The following PIERCE2 variants were observed in gnomAD, a reference collection of about 807,000 sequenced individuals.
PIERCE2 encodes the protein piercer of microtubule wall 2 protein.
chr15:55,418,793 C>T, the PIERCE2 span: 1 of 398,802 alleles, frequency 2.5e-6, no homozygotes, highest in Non-Finnish European at 4.4e-6. Context: ...TCCATGTAAT[C>T]CAAAAGCTTC....
At chr15:55,415,439 A>G in the PIERCE2 span, among the ~76,000 whole-genome samples, 2 of 144,784 alleles carry the variant, frequency 1.4e-5, no homozygotes. Flanking sequence ...CTGGGGGACG[A>G]GAGTGAAACT....
At chr15:55,417,904 G>A in the PIERCE2 span, 36 of 447,256 alleles carry the variant, frequency 8.0e-5, no homozygotes, top group Non-Finnish European at 1.2e-4. Flanking sequence ...ATTCTGTGGC[G>A]GGCAGGGGCA....
chr15:55,415,579 A>G, the PIERCE2 span, among the ~76,000 whole-genome samples: 1 of 152,034 alleles, frequency 6.6e-6, no homozygotes, highest in Non-Finnish European at 1.5e-5. Context: ...AGGGCTTACA[A>G]CTCTAAGGGG....
At chr15:55,415,456 C>CA in the PIERCE2 span, among the ~76,000 whole-genome samples, 13,236 of 82,518 alleles carry the variant, frequency 0.16, 744 homozygotes, top group East Asian at 0.3. Context: ...AACTTCGTCT[C>CA]AAAAAAAAAA....
the PIERCE2 span, among the ~76,000 whole-genome samples, chr15:55,416,946 G>A: frequency 6.6e-6 from 1 of 152,106 alleles, no homozygotes; most frequent in Non-Finnish European, 1.5e-5. Flanking sequence ...GGATGACAGA[G>A]CGAGACTCTG....
chr15:55,416,290 C>T, the PIERCE2 span, among the ~76,000 whole-genome samples: 4 of 151,954 alleles, frequency 2.6e-5, no homozygotes, highest in African/African-American at 9.7e-5. Context: ...TTAGTAGAGA[C>T]GGGGTTTCAC....
the PIERCE2 span, chr15:55,418,055 C>T: frequency 4.3e-6 from 6 of 1,393,206 alleles, no homozygotes; most frequent in African/African-American, 1.5e-5. Context: ...TGGATGTATA[C>T]GTGCAGGTCA....
the PIERCE2 span, chr15:55,418,084 A>G: frequency 1.9e-6 from 3 of 1,572,292 alleles, no homozygotes; most frequent in Non-Finnish European, 2.6e-6. Flanking sequence ...ATGATGGCTT[A>G]GCTTGGGCTC....
At chr15:55,414,209 GT>G in the PIERCE2 span, among the ~76,000 whole-genome samples, 126,180 of 134,456 alleles carry the variant, frequency 0.94, 59,301 homozygotes, top group Middle Eastern at 0.98. Context: ...GTTTTTTTTT[GT>G]TTTTTTTTTT....
the PIERCE2 span, among the ~76,000 whole-genome samples, chr15:55,413,050 C>T: frequency 2.0e-5 from 3 of 151,894 alleles, no homozygotes; most frequent in African/African-American, 4.8e-5. Flanking sequence ...GGGCGGATCA[C>T]GAGGTCAGGA....
the PIERCE2 span, among the ~76,000 whole-genome samples, chr15:55,416,371 AT>A: frequency 6.6e-6 from 1 of 152,020 alleles, no homozygotes; most frequent in African/African-American, 2.4e-5. Context: ...AAGTGCTGGG[AT>A]TTACAGGTGT....
chr15:55,409,572 G>A, the PIERCE2 span, among the ~76,000 whole-genome samples: 2 of 152,230 alleles, frequency 1.3e-5, no homozygotes, highest in Non-Finnish European at 2.9e-5. Context: ...AGAGACAAAA[G>A]AGTGCCTCAA....
the PIERCE2 span, among the ~76,000 whole-genome samples, chr15:55,413,791 T>C: frequency 4.0e-5 from 6 of 150,960 alleles, no homozygotes; most frequent in Admixed American, 2.0e-4. Flanking sequence ...ACTGTTTTTA[T>C]GGGGAAAGCA....
the PIERCE2 span, among the ~76,000 whole-genome samples, chr15:55,413,106 A>G: frequency 6.6e-6 from 1 of 151,928 alleles, no homozygotes; most frequent in Non-Finnish European, 1.5e-5. Context: ...ATCTCTACTA[A>G]AAATACAAAA....
chr15:55,418,240 A>G, the PIERCE2 span: 1 of 1,566,626 alleles, frequency 6.4e-7, no homozygotes, highest in Non-Finnish European at 8.7e-7. Context: ...AAAGTACTTC[A>G]CCTTCAAATT....
At chr15:55,412,602 G>A in the PIERCE2 span, among the ~76,000 whole-genome samples, 3 of 152,138 alleles carry the variant, frequency 2.0e-5, no homozygotes, top group East Asian at 5.8e-4. Flanking sequence ...TATTCAGGTA[G>A]AACATTAATA....
At chr15:55,410,011 A>G in the PIERCE2 span, among the ~76,000 whole-genome samples, 1 of 152,248 alleles carries the variant, frequency 6.6e-6, no homozygotes, top group Non-Finnish European at 1.5e-5. Context: ...GTTCTTAACT[A>G]TAGTCAGTTT....
the PIERCE2 span, chr15:55,418,372 GA>G: frequency 6.5e-7 from 1 of 1,537,006 alleles, no homozygotes; most frequent in Non-Finnish European, 8.7e-7. Flanking sequence ...AACCTCAAAT[GA>G]TTATGTATAA....
chr15:55,411,255 G>A, the PIERCE2 span: 1 of 152,128 alleles, frequency 6.6e-6, no homozygotes, highest in Non-Finnish European at 1.5e-5. Flanking sequence ...TCAGAGGTCA[G>A]GAGTTTGGGA....
Sources: gnomAD v4.1 joint callset for allele counts (sites outside exome capture counted in the v4.1 genomes callset) on GRCh38, gnomAD v4.1.1 for gene constraint, MANE v1.5 for transcripts, NCBI Gene and HGNC (gene_info 2026-07-23, HGNC 2026-07-21) for gene names.